FBXL20: variants seen among roughly 807,000 people sequenced by gnomAD.
FBXL20 encodes F-box and leucine rich repeat protein 20.
In FBXL20, 11 loss-of-function variants were observed where a neutral mutation model predicts 64.0. That is an observed-to-expected ratio of 0.17 (90% CI 0.11 to 0.28). FBXL20 has a LOEUF of 0.28. Ranked by LOEUF, FBXL20 falls within the 10% of genes least tolerant of loss-of-function variation. FBXL20 has a pLI of 1.00. For synonymous variants in FBXL20, 184 were observed against 189.0 expected, an observed-to-expected ratio of 0.97 and a Z score of 0.22; for missense variants, 303 against 526.2, an observed-to-expected ratio of 0.58 and a Z score of 4.15.
intron 2 of FBXL20, among the ~76,000 whole-genome samples, chr17:39,326,401 TGTAATCCCA>T (rs576159180): frequency 5.3e-5 from 8 of 151,940 alleles, no homozygotes; most frequent in Non-Finnish European, 8.8e-5. Context: ...GGCTCATACC[TGTAATCCCA>T]GGCGTTCCAA....
At chr17:39,317,615 C>G (rs547462461) in intron 2 of FBXL20, among the ~76,000 whole-genome samples, 19 of 148,990 alleles carry the variant, frequency 1.3e-4, no homozygotes, top group Non-Finnish European at 2.5e-4. Flanking sequence ...TGGAACAAAA[C>G]AGGGCATCCA....
rs139378846 is a variant in FBXL20, at chr17:39,360,439, T to C, written c.43-17198A>G. Among the ~76,000 whole-genome samples the C allele has an allele frequency of 2.2e-4, 33 of 152,330 alleles. No individual in the cohort carries two copies. The East Asian group carries it at 5.2e-3, about 24-fold the overall frequency. ...TGATTTAAAAACAAATTTCACACTG[T>C]TGTCAATTTTAAATTTTCAATATTT... is the stretch of plus-strand genomic sequence containing the variant. On this transcript the variant is annotated intron_variant, in intron 1 of 14. Transcript: ENST00000264658.
chr17:39,309,610 C>T (rs1412847377), intron 2 of FBXL20, among the ~76,000 whole-genome samples: 2 of 151,820 alleles, frequency 1.3e-5, no homozygotes, highest in Non-Finnish European at 2.9e-5. Context: ...CGAGACCAGC[C>T]TGGCCAATAT....
chr17:39,391,455 TGAGACAATGTAGGTCCA>T (rs1439363812), intron 1 of FBXL20, among the ~76,000 whole-genome samples: 2 of 151,978 alleles, frequency 1.3e-5, no homozygotes, highest in African/African-American at 2.4e-5. Flanking sequence ...GAAACAGAGT[TGAGACAATGTAGGTCCA>T]GAGACGTAAC....
Position 39,366,960 on chromosome 17 carries a change from T to C in FBXL20, c.43-23719A>G, listed in dbSNP as rs562091865. Reference sequence around the variant, plus strand: ...GTGCAGTGGCACAATCTCGACTCACTGCAAGCTCTGCCCCTGGGTTCACGC... The same window carrying C: ...GTGCAGTGGCACAATCTCGACTCACCGCAAGCTCTGCCCCTGGGTTCACGC... On this transcript the variant is annotated intron_variant, in intron 1 of 14. Transcript: ENST00000264658. 2.0e-3 allele frequency among the ~76,000 whole-genome samples: 304 copies of C among 151,262 alleles called. 1 individual carries two copies. Among genetic ancestry groups the C allele is most frequent in the African/African-American group, 7.0e-3 (290 of 41,266 alleles).
At chr17:39,267,544 A>C (rs562973965) in intron 12 of FBXL20, among the ~76,000 whole-genome samples, 107 of 152,220 alleles carry the variant, frequency 7.0e-4, no homozygotes, top group Non-Finnish European at 1.2e-3. Flanking sequence ...ATTTTTAATA[A>C]AGCATGCCAC....
At position 39,330,278 on chromosome 17, in the gene FBXL20, C is replaced by G. The variant is rs1402904370; in HGVS notation, c.104+12902G>C. Among the ~76,000 whole-genome samples the G allele has an allele frequency of 2.0e-5, 3 of 150,576 alleles. No individual in the cohort carries two copies. The Admixed American group carries it at 2.0e-4, about 10-fold the overall frequency. On this transcript the variant is annotated intron_variant, in intron 2 of 14. Transcript: ENST00000264658. ...TGCCATTGCGCTCCAGCCTGGGCAACAGAGCAAGACTCTGTCTCAAAAAAT... is the reference window on the plus strand; with the variant it reads ...TGCCATTGCGCTCCAGCCTGGGCAAGAGAGCAAGACTCTGTCTCAAAAAAT...
At chr17:39,276,910 G>A (rs1597769274) in intron 9 of FBXL20, among the ~76,000 whole-genome samples, 1 of 152,078 alleles carries the variant, frequency 6.6e-6, no homozygotes, top group East Asian at 1.9e-4. Context: ...AACATAATGA[G>A]ACCACCCCCA....
At chr17:39,295,850 C>T (rs1390637876) in intron 6 of FBXL20, among the ~76,000 whole-genome samples, 2 of 148,728 alleles carry the variant, frequency 1.3e-5, no homozygotes, top group East Asian at 2.0e-4. Flanking sequence ...CAAACTCCTC[C>T]GCAGTTTGCT....
chr17:39,376,169 G>T (rs1241469065), intron 1 of FBXL20, among the ~76,000 whole-genome samples: 4 of 152,018 alleles, frequency 2.6e-5, no homozygotes, highest in Non-Finnish European at 4.4e-5. Context: ...GCTGGTAACT[G>T]AGGGAATGGA....
intron 1 of FBXL20, among the ~76,000 whole-genome samples, chr17:39,387,757 T>C (rs982306318): frequency 2.6e-5 from 4 of 151,990 alleles, no homozygotes; most frequent in Non-Finnish European, 4.4e-5. Flanking sequence ...TTTAAATTTT[T>C]TGTAGAGATG....
intron 1 of FBXL20, among the ~76,000 whole-genome samples, chr17:39,398,938 G>A (rs528699279): frequency 2.6e-5 from 4 of 152,228 alleles, no homozygotes; most frequent in Admixed American, 6.5e-5. Flanking sequence ...CTCCCAAAGT[G>A]CTGGGATTAC....
At chr17:39,402,015 TC>T, upstream of FBXL20, 1 of 591,596 alleles carries the variant, frequency 1.7e-6, no homozygotes, top group Non-Finnish European at 2.5e-6. Flanking sequence ...CTGCCCCGTG[TC>T]CCCCTCTCCT....
At chr17:39,272,617 G>T (rs1273916477) in intron 10 of FBXL20, among the ~76,000 whole-genome samples, 3 of 146,062 alleles carry the variant, frequency 2.1e-5, no homozygotes, top group Non-Finnish European at 4.5e-5. Context: ...CACGAAAATT[G>T]CTTGAACCTG....
intron 2 of FBXL20, among the ~76,000 whole-genome samples, chr17:39,340,898 G>C (rs1345285294): frequency 1.3e-5 from 2 of 150,062 alleles, no homozygotes; most frequent in Non-Finnish European, 3.0e-5. Flanking sequence ...GCCCCAAAGT[G>C]AATTTATTAA....
chr17:39,309,663 G>A (rs949853771), intron 2 of FBXL20, among the ~76,000 whole-genome samples: 13 of 151,808 alleles, frequency 8.6e-5, no homozygotes, highest in East Asian at 5.8e-4. Context: ...TTAGCCAGGC[G>A]TGGTGGTGTA....
intron 2 of FBXL20, among the ~76,000 whole-genome samples, chr17:39,339,308 A>G (rs1942734945): frequency 6.6e-6 from 1 of 152,062 alleles, no homozygotes; most frequent in South Asian, 2.1e-4. Context: ...ATCTCTATGA[A>G]AATTTAAAAA....
intron 1 of FBXL20, 108 bp downstream of exon 1, chr17:39,401,253 G>A: frequency 6.3e-7 from 1 of 1,587,176 alleles, no homozygotes; most frequent in South Asian, 1.1e-5. Context: ...CCGCCAGTGG[G>A]TGGGTGACGG....
intron 7 of FBXL20, among the ~76,000 whole-genome samples, chr17:39,285,030 CG>C (rs1221175848): frequency 2.6e-5 from 4 of 151,864 alleles, no homozygotes; most frequent in African/African-American, 9.7e-5. Flanking sequence ...CTCTGCCTCC[CG>C]AGTAGCTGGG....
Sources: allele counts gnomAD v4.1 joint callset (sites outside exome capture counted in the v4.1 genomes callset), GRCh38; gene constraint gnomAD v4.1.1; transcripts MANE v1.5; gene names NCBI Gene and HGNC (gene_info 2026-07-23, HGNC 2026-07-21).